The following C17orf100 variants were observed in gnomAD, a reference collection of about 807,000 sequenced individuals.
C17orf100 encodes uncharacterized protein C17orf100.
A neutral mutation model predicts 0.7 loss-of-function variants in C17orf100; 1 was observed. That is an observed-to-expected ratio of 1.50 (90% CI 0.53 to 7.13). The LOEUF (loss-of-function observed/expected upper bound fraction) is 7.13. Ranked by LOEUF, C17orf100 falls within the 30% of genes most tolerant of loss-of-function variation. The pLI is 0.14. For missense variants in C17orf100, 168 were observed against 171.5 expected (o/e 0.98, Z 0.11); for synonymous variants, 87 against 84.0 (o/e 1.04, Z -0.20).
Position 6,651,788 on chromosome 17 carries a change from C to A in C17orf100, c.-126C>A. The A allele has an allele frequency of 6.9e-7, 1 of 1,442,630 alleles. No individual in the cohort carries two copies. The highest frequency in any genetic ancestry group is 2.5e-5 in the East Asian group (1 of 40,130). The allele number at this position is 1,442,630 out of a possible 1,614,324, so 89.4% of individuals were successfully genotyped here. ...TTTTAGCCTTCGAAGGACCATGGTG[C>A]TTCCACGTCATCGTGTTGTGGCGCT... On this transcript the variant is annotated 5_prime_UTR_variant, in exon 1 of 1. Coordinates refer to ENST00000542475, the MANE Select transcript of C17orf100 (RefSeq NM_001105520.2).
At position 6,652,358 on chromosome 17, in the gene C17orf100, A is replaced by G; in HGVS notation, c.*88A>G. ...GTTGCCAGCCAGCCAGCCAGCTGCCAGGTGGACCAATCATTTTCGGTTTCA... is the reference window on the plus strand; with the variant it reads ...GTTGCCAGCCAGCCAGCCAGCTGCCGGGTGGACCAATCATTTTCGGTTTCA... On this transcript the variant is annotated 3_prime_UTR_variant, in exon 1 of 1. Transcript: ENST00000542475. 1 of 1,568,264 alleles carries G rather than the reference A, an allele frequency of 6.4e-7. No individual in the cohort carries two copies. Among genetic ancestry groups the G allele is most frequent in the Non-Finnish European group, 8.6e-7 (1 of 1,159,048 alleles).
rs918233860 is a variant in C17orf100 at position 6,652,324 on chromosome 17, A to G, written c.*54A>G. 65 of 1,602,832 alleles carry G rather than the reference A, an allele frequency of 4.1e-5. 3 individuals are homozygous for G. In the East Asian group the frequency reaches 1.1e-3, roughly 27 times the overall value. On this transcript the variant is annotated 3_prime_UTR_variant, in exon 1 of 1. Transcript: ENST00000542475. ...GCCAGGGCCCTCAGCCAGGACAGAA[A>G]GGCCTCCAGTTGCCAGCCAGCCAGC... is the stretch of plus-strand genomic sequence containing the variant.
Position 6,652,466 on chromosome 17 carries a change from C to T in C17orf100, c.*196C>T. The T allele has an allele frequency of 6.8e-7, 1 of 1,462,456 alleles. No homozygotes were observed. The highest frequency in any genetic ancestry group is 2.5e-5 in the East Asian group (1 of 40,118). The allele number at this position is 1,462,456 out of a possible 1,614,324, so 90.6% of individuals were successfully genotyped here. ...CCAACGTTTACTGACCGTCCTGCGTCTTGGACCAGCCTACTTTTGACCCAG... is the reference window on the plus strand; with the variant it reads ...CCAACGTTTACTGACCGTCCTGCGTTTTGGACCAGCCTACTTTTGACCCAG... On this transcript the variant is annotated 3_prime_UTR_variant, in exon 1 of 1. Coordinates refer to ENST00000542475, the MANE Select transcript of C17orf100 (RefSeq NM_001105520.2).
At position 6,652,541 on chromosome 17, in the gene C17orf100, GC is replaced by G; in HGVS notation, c.*272del. The stretch of plus-strand genomic sequence containing the variant: ...CACAGAAGGTTTTCAGGCCCAGGAT[GC>G]TGTCTAAATCGGGTTGATGGACAAA... On this transcript the variant is annotated 3_prime_UTR_variant, in exon 1 of 1. Transcript: ENST00000542475. 3 of 1,374,258 alleles carry G rather than the reference GC, an allele frequency of 2.2e-6. No individual in the cohort carries two copies. The highest frequency in any genetic ancestry group is 2.9e-6 in the Non-Finnish European group (3 of 1,047,178). 85.1% of individuals were successfully genotyped at this position (1,374,258 alleles called of 1,614,324 possible).
Position 6,652,111 on chromosome 17 carries a change from G to A in C17orf100, c.198G>A (p.Ala66=). 1.3e-6 allele frequency: 2 copies of A among 1,588,786 alleles called. No individual in the cohort carries two copies. The highest frequency in any genetic ancestry group is 1.7e-6 in the Non-Finnish European group (2 of 1,173,080). Reference sequence around the variant, plus strand: ...AGCGGCTCCCTCGCATCCTCGAGGCGTCCTCCCGGCACGTGGAATCCTCCT... The same window carrying A: ...AGCGGCTCCCTCGCATCCTCGAGGCATCCTCCCGGCACGTGGAATCCTCCT... ...SGKRLPRILE[A]SSRHVESSSQ... The change falls in exon 1 of 1, where the codon GCG becomes GCA. Residue 66 remains alanine, a synonymous_variant. Coordinates refer to ENST00000542475, the MANE Select transcript of C17orf100 (RefSeq NM_001105520.2).
rs1972854207 is a variant in C17orf100 at position 6,652,524 on chromosome 17, G to A, written c.*254G>A. On this transcript the variant is annotated 3_prime_UTR_variant, in exon 1 of 1. Coordinates refer to ENST00000542475, the MANE Select transcript of C17orf100 (RefSeq NM_001105520.2). ...TTTTCACTTGAAGCCAGCACAGAAG[G>A]TTTTCAGGCCCAGGATGCTGTCTAA... The A allele has an allele frequency of 2.8e-6, 4 of 1,410,056 alleles. No homozygotes were observed. The highest frequency in any genetic ancestry group is 3.7e-6 in the Non-Finnish European group (4 of 1,073,120). 87.3% of individuals were successfully genotyped at this position (1,410,056 alleles called of 1,614,324 possible).
Position 6,651,989 on chromosome 17 carries a change from C to T in C17orf100, c.76C>T (p.Arg26Cys). Residue 26 changes from arginine (R) to cysteine (C), a missense_variant, in exon 1 of 1, where the codon CGC becomes TGC. Coordinates refer to ENST00000542475, the MANE Select transcript of C17orf100 (RefSeq NM_001105520.2). Reference protein sequence around the residue: ...TTRYTETSTVRVETSSHRVET... With the variant: ...TTRYTETSTVCVETSSHRVET... Reference sequence around the variant, plus strand: ...CCGCTACACAGAGACGTCCACGGTCCGCGTGGAGACCTCGTCCCACCGCGT... The same window carrying T: ...CCGCTACACAGAGACGTCCACGGTCTGCGTGGAGACCTCGTCCCACCGCGT... 7 of 1,553,120 alleles carry T rather than the reference C, an allele frequency of 4.5e-6. No individual in the cohort carries two copies. Among genetic ancestry groups the T allele is most frequent in the South Asian group, 1.2e-5 (1 of 84,174 alleles).
chr17:6,651,770 C>T lies in C17orf100; in HGVS notation c.-144C>T. ...AGGGGCAGGAGTCCAGTGTTTTAGCCTTCGAAGGACCATGGTGCTTCCACG... is the reference window on the plus strand; with the variant it reads ...AGGGGCAGGAGTCCAGTGTTTTAGCTTTCGAAGGACCATGGTGCTTCCACG... On this transcript the variant is annotated 5_prime_UTR_variant, in exon 1 of 1. Transcript: ENST00000542475. 1 of 1,444,892 alleles carries T rather than the reference C, an allele frequency of 6.9e-7. No homozygotes were observed. Among genetic ancestry groups the T allele is most frequent in the Non-Finnish European group, 9.0e-7 (1 of 1,105,620 alleles). 89.5% of individuals were successfully genotyped at this position (1,444,892 alleles called of 1,614,324 possible).
chr17:6,652,328 C>T lies in C17orf100; in HGVS notation c.*58C>T. The T allele has an allele frequency of 3.8e-6, 6 of 1,599,922 alleles. No homozygotes were observed. Among genetic ancestry groups the T allele is most frequent in the Non-Finnish European group, 5.1e-6 (6 of 1,174,486 alleles). ...GGGCCCTCAGCCAGGACAGAAAGGCCTCCAGTTGCCAGCCAGCCAGCCAGC... is the reference window on the plus strand; with the variant it reads ...GGGCCCTCAGCCAGGACAGAAAGGCTTCCAGTTGCCAGCCAGCCAGCCAGC... On this transcript the variant is annotated 3_prime_UTR_variant, in exon 1 of 1. Coordinates refer to ENST00000542475, the MANE Select transcript of C17orf100 (RefSeq NM_001105520.2).
rs181340378 is a variant in C17orf100 at position 6,652,077 on chromosome 17, C to G, written c.164C>G (p.Pro55Arg). ...QRRSEGPSLS[P>R]SGKRLPRILE... The stretch of plus-strand genomic sequence containing the variant: ...CGCAGCGAGGGGCCCTCCCTCTCCC[C>G]CTCGGGGAAGCGGCTCCCTCGCATC... Residue 55 changes from proline to arginine, a missense_variant, in exon 1 of 1, where the codon CCC becomes CGC. Physicochemically the swap from Pro to Arg is moderately radical, Grantham distance 103 (BLOSUM62 -2). Transcript: ENST00000542475. The G allele has an allele frequency of 3.2e-4, 504 of 1,572,218 alleles. 8 individuals carry two copies. In the Admixed American group the frequency reaches 8.9e-3, roughly 28 times the overall value.
At position 6,652,205 on chromosome 17, in the gene C17orf100, T is replaced by A; in HGVS notation, c.292T>A (p.Cys98Ser). The change falls in exon 1 of 1, where the codon TGC becomes AGC. Residue 98 changes from cysteine to serine, a missense_variant. By Grantham distance (112) the Cys-to-Ser change is moderately radical. Transcript: ENST00000542475. ...SSLRVETSLH[C>S]AESPTPRAKP... is the part of the protein sequence containing the mutation. ...CCTGAGGGTGGAGACGTCTCTGCAC[T>A]GCGCGGAGAGCCCGACCCCGCGGGC... 1 of 1,606,168 alleles carries A rather than the reference T, an allele frequency of 6.2e-7. No individual in the cohort carries two copies. The highest frequency in any genetic ancestry group is 8.5e-7 in the Non-Finnish European group (1 of 1,179,586).
Position 6,652,000 on chromosome 17 carries a change from C to CTCGTCCCACCGCGTGGAGACG in C17orf100, c.95_115dup (p.His32_Ser38dup). 5 of 1,554,570 alleles carry CTCGTCCCACCGCGTGGAGACG rather than the reference C, an allele frequency of 3.2e-6. No individual in the cohort carries two copies. Among genetic ancestry groups the CTCGTCCCACCGCGTGGAGACG allele is most frequent in the Non-Finnish European group, 4.4e-6 (5 of 1,149,194 alleles). ...AGACGTCCACGGTCCGCGTGGAGACCTCGTCCCACCGCGTGGAGACGTCGT... is the reference window on the plus strand; with the variant it reads ...AGACGTCCACGGTCCGCGTGGAGACCTCGTCCCACCGCGTGGAGACGTCGTCCCACCGCGTGGAGACGTCGT... On this transcript the variant is annotated inframe_insertion, in exon 1 of 1. Coordinates refer to ENST00000542475, the MANE Select transcript of C17orf100 (RefSeq NM_001105520.2).
rs149318341 is a variant in C17orf100, at chr17:6,651,898, C to G, written c.-16C>G. The G allele has an allele frequency of 9.5e-5, 139 of 1,467,516 alleles. No individual in the cohort carries two copies. The African/African-American group carries it at 1.9e-3, about 20-fold the overall frequency. The allele number at this position is 1,467,516 out of a possible 1,614,324, so 90.9% of individuals were successfully genotyped here. A position where few individuals can be genotyped will look rare whatever the true frequency, so the allele number is the denominator to read the frequency against. On this transcript the variant is annotated 5_prime_UTR_variant, in exon 1 of 1. Transcript: ENST00000542475. ...AGGGTGCCCCGAGGCCTCCCTGGCCCCCTCACGCCGGCAGAATGGCCTCAG... is the reference window on the plus strand; with the variant it reads ...AGGGTGCCCCGAGGCCTCCCTGGCCGCCTCACGCCGGCAGAATGGCCTCAG...
chr17:6,652,863 C>G lies in C17orf100; in HGVS notation c.*593C>G, dbSNP rs1354670104. The G allele has an allele frequency of 6.4e-6, 1 of 156,672 alleles. No individual in the cohort carries two copies. Among genetic ancestry groups the G allele is most frequent in the Non-Finnish European group, 1.5e-5 (1 of 67,000 alleles). The allele number at this position is 156,672 out of a possible 1,614,324, so 9.7% of individuals were successfully genotyped here. On this transcript the variant is annotated 3_prime_UTR_variant, in exon 1 of 1. Transcript: ENST00000542475. ...AAATGACAGTAAACCCACCAGCAAG[C>G]AAAAATAATCTTAGAAAGTGAGAGG...
Position 6,652,099 on chromosome 17 carries a change from C to T in C17orf100, c.186C>T (p.Arg62=). The change falls in exon 1 of 1, where the codon CGC becomes CGT. Residue 62 remains arginine, a synonymous_variant. Coordinates refer to ENST00000542475, the MANE Select transcript of C17orf100 (RefSeq NM_001105520.2). ...CCCCCTCGGGGAAGCGGCTCCCTCG[C>T]ATCCTCGAGGCGTCCTCCCGGCACG... ...SLSPSGKRLP[R]ILEASSRHVE... is the part of the protein sequence containing the mutation. 1 of 1,583,858 alleles carries T rather than the reference C, an allele frequency of 6.3e-7. No homozygotes were observed.
At position 6,652,338 on chromosome 17, in the gene C17orf100, C is replaced by T; in HGVS notation, c.*68C>T. 6.3e-7 allele frequency: 1 copy of T among 1,584,892 alleles called. No individual in the cohort carries two copies. The highest frequency in any genetic ancestry group is 1.3e-5 in the African/African-American group (1 of 74,192). Reference sequence around the variant, plus strand: ...CCAGGACAGAAAGGCCTCCAGTTGCCAGCCAGCCAGCCAGCTGCCAGGTGG... The same window carrying T: ...CCAGGACAGAAAGGCCTCCAGTTGCTAGCCAGCCAGCCAGCTGCCAGGTGG... On this transcript the variant is annotated 3_prime_UTR_variant, in exon 1 of 1. Coordinates refer to ENST00000542475, the MANE Select transcript of C17orf100 (RefSeq NM_001105520.2).
At position 6,653,204 on chromosome 17, in the gene C17orf100, T is replaced by C. The variant is rs1972860001; in HGVS notation, c.*934T>C. ...AATTTATTGCATACTGTACTAAAAGTGAAAAAGAATGGTTGTAAGAGTACT... is the reference window on the plus strand; with the variant it reads ...AATTTATTGCATACTGTACTAAAAGCGAAAAAGAATGGTTGTAAGAGTACT... On this transcript the variant is annotated 3_prime_UTR_variant, in exon 1 of 1. Coordinates refer to ENST00000542475, the MANE Select transcript of C17orf100 (RefSeq NM_001105520.2). 6.0e-6 allele frequency: 1 copy of C among 167,072 alleles called. No homozygotes were observed. The highest frequency in any genetic ancestry group is 1.5e-5 in the Non-Finnish European group (1 of 68,128). The allele number at this position is 167,072 out of a possible 1,614,324, so 10.3% of individuals were successfully genotyped here.
In C17orf100 at chr17:6,652,105, C is replaced by G; in HGVS notation, c.192C>G (p.Leu64=). Residue 64 remains leucine (L), a synonymous_variant, in exon 1 of 1, where the codon CTC becomes CTG. Transcript: ENST00000542475. ...SPSGKRLPRI[L]EASSRHVESS... ...CGGGGAAGCGGCTCCCTCGCATCCT[C>G]GAGGCGTCCTCCCGGCACGTGGAAT... The G allele has an allele frequency of 1.3e-5, 20 of 1,585,964 alleles. No homozygotes were observed. Among genetic ancestry groups the G allele is most frequent in the Non-Finnish European group, 1.7e-5 (20 of 1,171,498 alleles).
Position 6,651,942 on chromosome 17 carries a change from C to T in C17orf100, c.29C>T (p.Ser10Phe). Residue 10 changes from serine (S) to phenylalanine (F), a missense_variant, in exon 1 of 1, where the codon TCT becomes TTT. Ser to Phe is a radical substitution (Grantham distance 155). Transcript: ENST00000542475. MASARGAKQ[S>F]SPRVGTTRYT... The stretch of plus-strand genomic sequence containing the variant: ...GCCTCAGCCCGAGGGGCCAAGCAGT[C>T]TTCGCCCCGGGTGGGGACCACCCGC... 6.6e-7 allele frequency: 1 copy of T among 1,514,348 alleles called. No individual in the cohort carries two copies. The highest frequency in any genetic ancestry group is 8.9e-7 in the Non-Finnish European group (1 of 1,126,660). 93.8% of individuals were successfully genotyped at this position (1,514,348 alleles called of 1,614,324 possible).
Sources: allele counts gnomAD v4.1 joint callset, GRCh38; gene constraint gnomAD v4.1.1; transcripts MANE v1.5; gene names NCBI Gene and HGNC (gene_info 2026-07-23, HGNC 2026-07-21).